The following SMYD3 variants were observed in gnomAD, a reference collection of about 807,000 sequenced individuals.
SMYD3 encodes the protein SET and MYND domain containing 3.
A neutral mutation model predicts 57.7 loss-of-function variants in SMYD3; 36 were observed. That is an observed-to-expected ratio of 0.62 (90% CI 0.48 to 0.82). The LOEUF is 0.82. Ranked by LOEUF, SMYD3 falls within the 40% of genes least tolerant of loss-of-function variation. The probability of loss-of-function intolerance (pLI) is 0.00; values close to 1 mark genes in which losing one functional copy is unlikely to be tolerated. For synonymous variants in SMYD3, 211 were observed against 195.0 expected, an observed-to-expected ratio of 1.08 and a Z score of -0.68; for missense variants, 515 against 538.8, an observed-to-expected ratio of 0.96 and a Z score of 0.44.
At chr1:246,364,222 CAAAA>C (rs11361203) in intron 1 of SMYD3, among the ~76,000 whole-genome samples, 3 of 119,610 alleles carry the variant, frequency 2.5e-5, no homozygotes, top group Non-Finnish European at 1.7e-5. Context: ...GGTTGTAAGC[CAAAA>C]AAAAAAAAAA....
At chr1:245,751,542 A>AAGAGAGAG (rs1265115060) in intron 11 of SMYD3, among the ~76,000 whole-genome samples, 2,286 of 127,366 alleles carry the variant, frequency 0.018, 56 homozygotes, top group Admixed American at 0.063. Context: ...AAGAGAGAGA[A>AAGAGAGAG]AGAGAGAGAG....
chr1:246,506,586 T>A (rs1267557069), intron 1 of SMYD3, among the ~76,000 whole-genome samples: 2 of 152,318 alleles, frequency 1.3e-5, no homozygotes, highest in East Asian at 3.9e-4. Flanking sequence ...TTCCACCTGC[T>A]GCAAGCCTGA....
At position 246,335,468 on chromosome 1, in the gene SMYD3, C is replaced by T. The variant is rs200355534; in HGVS notation, c.235G>A (p.Ala79Thr). 6 of 1,614,020 alleles carry T rather than the reference C, an allele frequency of 3.7e-6. No homozygotes were observed. Among genetic ancestry groups the T allele is most frequent in the Admixed American group, 1.7e-5 (1 of 60,008 alleles). Reference protein sequence around the residue: ...KYCSAKCQKKAWPDHKRECKC... With the variant: ...KYCSAKCQKKTWPDHKRECKC... ...CATTCCCGCTTGTGGTCTGGCCAAG[C>T]TTTTTTCTATTAAAACAAGAGTGGG... Residue 79 changes from alanine to threonine, a missense_variant, in exon 3 of 12, where the codon GCT becomes ACT. Transcript: ENST00000490107.
chr1:246,189,882 C>G (rs145246070), intron 5 of SMYD3, among the ~76,000 whole-genome samples: 1 of 152,138 alleles, frequency 6.6e-6, no homozygotes, highest in East Asian at 1.9e-4. Context: ...TTAGGAGACA[C>G]GTGTCTCTAA....
intron 5 of SMYD3, among the ~76,000 whole-genome samples, chr1:246,248,858 G>A (rs1156969784): frequency 3.1e-5 from 4 of 130,624 alleles, no homozygotes; most frequent in African/African-American, 3.1e-5. Flanking sequence ...GGGTTTCATC[G>A]TGTTAGCCAG....
chr1:245,752,384 C>T (rs1334456111), intron 11 of SMYD3, among the ~76,000 whole-genome samples: 1 of 152,198 alleles, frequency 6.6e-6, no homozygotes, highest in Non-Finnish European at 1.5e-5. Flanking sequence ...CCAGACCAGC[C>T]TCTTTTTTGC....
chr1:246,425,584 C>A (rs796826048), intron 1 of SMYD3, among the ~76,000 whole-genome samples: 15 of 152,326 alleles, frequency 9.8e-5, no homozygotes, highest in African/African-American at 3.6e-4. Context: ...AATACTCCCG[C>A]TTCTTTGCCC....
At chr1:246,187,894 C>G (rs1366045865) in intron 5 of SMYD3, among the ~76,000 whole-genome samples, 1 of 151,878 alleles carries the variant, frequency 6.6e-6, no homozygotes. Flanking sequence ...AGAAGTCCCC[C>G]TAAGAACAGT....
At chr1:246,223,670 T>C (rs1236213397) in intron 5 of SMYD3, among the ~76,000 whole-genome samples, 2 of 152,122 alleles carry the variant, frequency 1.3e-5, no homozygotes, top group East Asian at 1.9e-4. Flanking sequence ...CCTATACTAT[T>C]GGTATTGAAG....
At chr1:245,989,616 C>G (rs1285295716) in intron 5 of SMYD3, among the ~76,000 whole-genome samples, 1 of 152,244 alleles carries the variant, frequency 6.6e-6, no homozygotes, top group Non-Finnish European at 1.5e-5. Context: ...ACGAAGGCTT[C>G]TGCCTTAACC....
intron 5 of SMYD3, among the ~76,000 whole-genome samples, chr1:246,129,036 G>A (rs1572075479): frequency 6.6e-6 from 1 of 152,026 alleles, no homozygotes; most frequent in South Asian, 2.1e-4. Context: ...GGGCTCCAGC[G>A]ATCTGCGCAC....
chr1:245,865,464 C>T (rs184316710), intron 8 of SMYD3, among the ~76,000 whole-genome samples: 5 of 152,234 alleles, frequency 3.3e-5, no homozygotes, highest in Admixed American at 3.3e-4. Flanking sequence ...CTGATCATAC[C>T]CAGTTTATAC....
intron 11 of SMYD3, among the ~76,000 whole-genome samples, chr1:245,750,082 G>A (rs1001667628): frequency 6.6e-6 from 1 of 152,038 alleles, no homozygotes; most frequent in East Asian, 1.9e-4. Context: ...TTATATACAT[G>A]TATTCTCACA....
chr1:246,055,002 C>A (rs1056028585), intron 5 of SMYD3, among the ~76,000 whole-genome samples: 6 of 151,732 alleles, frequency 4.0e-5, no homozygotes, highest in African/African-American at 1.4e-4. Flanking sequence ...GGTGAAATCC[C>A]GTCTCTACTA....
At chr1:246,396,813 A>T (rs1443547705) in intron 1 of SMYD3, among the ~76,000 whole-genome samples, 1 of 152,218 alleles carries the variant, frequency 6.6e-6, no homozygotes. Context: ...CCAAGGAAGC[A>T]GAAGACTGTA....
intron 5 of SMYD3, among the ~76,000 whole-genome samples, chr1:246,301,540 A>C (rs1426300637): frequency 6.6e-6 from 1 of 152,188 alleles, no homozygotes; most frequent in Admixed American, 6.6e-5. Flanking sequence ...TGAAGTAATG[A>C]GAATATGTTT....
chr1:246,354,650 CTT>C (rs11338402), intron 2 of SMYD3, among the ~76,000 whole-genome samples: 31 of 148,618 alleles, frequency 2.1e-4, no homozygotes, highest in African/African-American at 3.0e-4. Context: ...TAAACTATAT[CTT>C]TTTTTTTTTA....
intron 5 of SMYD3, among the ~76,000 whole-genome samples, chr1:246,255,928 A>AGATG (rs202125954): frequency 0.077 from 1,105 of 14,344 alleles, 18 homozygotes; most frequent in African/African-American, 0.17. Flanking sequence ...ATAACTAATA[A>AGATG]GATAGATAGA....
intron 2 of SMYD3, among the ~76,000 whole-genome samples, chr1:246,348,356 T>C (rs919303859): frequency 3.3e-5 from 5 of 151,832 alleles, no homozygotes; most frequent in African/African-American, 1.2e-4. Context: ...GCAGAGGTTT[T>C]AGTGAGCCTA....
Sources: allele counts gnomAD v4.1 joint callset (sites outside exome capture counted in the v4.1 genomes callset), GRCh38; gene constraint gnomAD v4.1.1; transcripts MANE v1.5; gene names NCBI Gene and HGNC (gene_info 2026-07-23, HGNC 2026-07-21).